Variants in PCDH10 observed in about 807,000 individuals in gnomAD.
PCDH10 encodes protocadherin 10.
Under a neutral mutation model 74.4 loss-of-function variants are expected in PCDH10, and 15 were observed. The ratio of observed to expected loss-of-function variants is 0.20; its 90% CI spans 0.13 to 0.31. The LOEUF is 0.31. Among genes scored for constraint, PCDH10 ranks in the 10% least tolerant of loss-of-function variants. PCDH10 has a pLI of 1.00. For synonymous variants in PCDH10, 619 were observed against 589.8 expected (o/e 1.05, Z -0.72); for missense variants, 1,260 against 1,390.2 (o/e 0.91, Z 1.49).
chr4:133,207,074 CT>C lies in PCDH10; in HGVS notation n.438-995del, dbSNP rs1029900779. Among the ~76,000 whole-genome samples the C allele has an allele frequency of 9.2e-5, 14 of 151,670 alleles. No individual in the cohort carries two copies. In the East Asian group the frequency reaches 2.3e-3, roughly 25 times the overall value. ...CCACTATTTTAATAACTTATTTTTA[CT>C]TTTTTTGTAATATCATTATCTTGAA... On this transcript the variant is annotated intron_variant and non_coding_transcript_variant, in intron 2 of 2. Coordinates refer to the PCDH10 transcript ENST00000511112.
In PCDH10 at chr4:133,191,704, C is replaced by G. The variant is rs745918980; in HGVS notation, c.*1544C>G. On this transcript the variant is annotated 3_prime_UTR_variant, in exon 5 of 5. Coordinates refer to ENST00000264360, the MANE Select transcript of PCDH10 (RefSeq NM_032961.3). The stretch of plus-strand genomic sequence containing the variant: ...AAAAAACAGAATTGTCACAGCTCCC[C>G]TCGCCCTCTAAACTATGATATCAAA... 6.6e-6 allele frequency: 1 copy of G among 151,584 alleles called. No individual in the cohort carries two copies. The highest frequency in any genetic ancestry group is 2.4e-5 in the African/African-American group (1 of 41,342). The allele number at this position is 151,584 out of a possible 1,614,324, so 9.4% of individuals were successfully genotyped here.
chr4:133,194,006 A>T lies in PCDH10; in HGVS notation c.*3846A>T, dbSNP rs747106142. On this transcript the variant is annotated 3_prime_UTR_variant, in exon 5 of 5. Coordinates refer to ENST00000264360, the MANE Select transcript of PCDH10 (RefSeq NM_032961.3). ...CTCTGCTAAGTCAGACAAAATCCTT[A>T]TACAGTAATTTGTGAAACTGTTCAG... is the stretch of plus-strand genomic sequence containing the variant. 1.4e-4 allele frequency: 21 copies of T among 151,786 alleles called. No homozygotes were observed. Among genetic ancestry groups the T allele is most frequent in the Non-Finnish European group, 1.2e-4 (8 of 67,754 alleles). 9.4% of individuals were successfully genotyped at this position (151,786 alleles called of 1,614,324 possible).
Position 133,152,166 on chromosome 4 carries a change from G to T in PCDH10, c.2026G>T (p.Val676Phe), listed in dbSNP as rs1353683899. The change falls in exon 1 of 5, where the codon GTT (valine) becomes TTT (phenylalanine). Residue 676 changes from valine (V) to phenylalanine (F), a missense_variant. Val to Phe is a conservative substitution (Grantham distance 50). This residue lies in a region of PCDH10 where 587 missense variants were observed against 616.9 expected (regional missense o/e 0.95). Coordinates refer to ENST00000264360, the MANE Select transcript of PCDH10 (RefSeq NM_032961.3). Reference protein sequence around the residue: ...PPLSSTATLVVQLVDGAVEPQ... With the variant: ...PPLSSTATLVFQLVDGAVEPQ... ...CCTTTCCTCCACCGCCACCCTGGTGGTTCAGCTGGTGGATGGCGCCGTGGA... is the reference window on the plus strand; with the variant it reads ...CCTTTCCTCCACCGCCACCCTGGTGTTTCAGCTGGTGGATGGCGCCGTGGA... 6.4e-7 allele frequency: 1 copy of T among 1,568,874 alleles called. No individual in the cohort carries two copies. Among genetic ancestry groups the T allele is most frequent in the Non-Finnish European group, 8.6e-7 (1 of 1,157,910 alleles).
rs754949546 is a variant in PCDH10 at position 133,150,996 on chromosome 4, G to T, written c.856G>T (p.Val286Leu). Residue 286 changes from valine to leucine, a missense_variant, in exon 1 of 5, where the codon GTG (valine) becomes TTG (leucine). Physicochemically the swap from Val to Leu is conservative, Grantham distance 32. This residue lies in a region of PCDH10 where 192 missense variants were observed against 161.2 expected (regional missense o/e 1.19). Transcript: ENST00000264360. Reference sequence around the variant, plus strand: ...GGACGAGGGCCAGAACGGTGAGGTCGTGTACTCCTTCAGCAGCCACATTTC... The same window carrying T: ...GGACGAGGGCCAGAACGGTGAGGTCTTGTACTCCTTCAGCAGCCACATTTC... ...DPDEGQNGEVVYSFSSHISPR... is the reference protein window; with the variant it reads ...DPDEGQNGEVLYSFSSHISPR... 200 of 1,613,698 alleles carry T rather than the reference G, an allele frequency of 1.2e-4. No homozygotes were observed. The highest frequency in any genetic ancestry group is 2.5e-6 in the Non-Finnish European group (3 of 1,180,032).
At position 133,150,775 on chromosome 4, in the gene PCDH10, TAGG is replaced by T. The variant is rs777271653; in HGVS notation, c.638_640del (p.Gly213del). 3 of 1,399,178 alleles carry T rather than the reference TAGG, an allele frequency of 2.1e-6. No individual in the cohort carries two copies. The highest frequency in any genetic ancestry group is 2.0e-5 in the African/African-American group (1 of 51,114). The allele number at this position is 1,399,178 out of a possible 1,614,324, so 86.7% of individuals were successfully genotyped here. On this transcript the variant is annotated inframe_deletion, in exon 1 of 5. Coordinates refer to ENST00000264360, the MANE Select transcript of PCDH10 (RefSeq NM_032961.3). ...GTGGACGGAGGAGGTGGGGGAGGAG[TAGG>T]AGAAGGAGGGGGAGGTGGCGGGGGA... is the stretch of plus-strand genomic sequence containing the variant.
intron 4 of PCDH10, among the ~76,000 whole-genome samples, chr4:133,163,503 G>C (rs1727018385): frequency 6.6e-6 from 1 of 151,990 alleles, no homozygotes; most frequent in Admixed American, 6.6e-5. Context: ...TCAAAATATA[G>C]GACTATATTC....
chr4:133,187,790 A>G (rs1459769999), intron 4 of PCDH10, among the ~76,000 whole-genome samples: 1 of 152,124 alleles, frequency 6.6e-6, no homozygotes, highest in Non-Finnish European at 1.5e-5. Context: ...ACTGTGAACC[A>G]TTTTAATAAT....
At chr4:133,155,091 G>A in intron 3 of PCDH10, 68 bp downstream of exon 3, 2 of 1,053,630 alleles carry the variant, frequency 1.9e-6, no homozygotes, top group Non-Finnish European at 3.0e-6. Context: ...ATAAACGTAG[G>A]AAGGATGATG....
At position 133,181,867 on chromosome 4, in the gene PCDH10, T is replaced by C. The variant is rs1410378865; in HGVS notation, c.3104-8274T>C. On this transcript the variant is annotated intron_variant, in intron 4 of 4. Transcript: ENST00000264360. ...TCTTGTGTCTTCTTTGAACATATGT[T>C]TGAATAGGCGTTTAGAAATATTTAC... Among the ~76,000 whole-genome samples, 3 of 152,104 alleles carry C rather than the reference T, an allele frequency of 2.0e-5. No individual in the cohort carries two copies. In the East Asian group the frequency reaches 5.8e-4, roughly 29 times the overall value.
At chr4:133,162,032 C>A (rs1038194000) in intron 3 of PCDH10, among the ~76,000 whole-genome samples, 2 of 152,088 alleles carry the variant, frequency 1.3e-5, no homozygotes, top group Non-Finnish European at 2.9e-5. Context: ...ACTGAATGAC[C>A]TTTCTTGATC....
chr4:133,181,299 T>G lies in PCDH10; in HGVS notation c.3104-8842T>G, dbSNP rs182995376. Among the ~76,000 whole-genome samples the G allele has an allele frequency of 3.5e-3, 526 of 152,204 alleles. 2 individuals are homozygous for G. The highest frequency in any genetic ancestry group is 4.6e-3 in the Non-Finnish European group (315 of 67,944). On this transcript the variant is annotated intron_variant, in intron 4 of 4. Coordinates refer to ENST00000264360, the MANE Select transcript of PCDH10 (RefSeq NM_032961.3). ...TCTAGATAACTTAGTTTTTTTTATC[T>G]TTCTGAACTCTCATGCCTTAATTTT...
At chr4:133,199,316 TAATAATAA>T (rs996771658), downstream of PCDH10, among the ~76,000 whole-genome samples, 1 of 146,678 alleles carries the variant, frequency 6.8e-6, no homozygotes, top group African/African-American at 2.5e-5. Context: ...ATAATAATAA[TAATAATAA>T]TAATTAATTA....
rs762465989 is a variant in PCDH10, at chr4:133,150,812, G to GC, written c.679dup (p.Gln227ProfsTer19). The GC allele has an allele frequency of 1.4e-5, 22 of 1,585,622 alleles. No homozygotes were observed. The highest frequency in any genetic ancestry group is 1.1e-5 in the South Asian group (1 of 86,972). ...GGGGAGGTGGCGGGGGAGCAGGCCT[G>GC]CCCCCCCAGCAGCAGCGCACCGGCA... On this transcript the variant is annotated frameshift_variant, in exon 1 of 5. Coordinates refer to ENST00000264360, the MANE Select transcript of PCDH10 (RefSeq NM_032961.3). LOFTEE classifies it high-confidence loss of function.
chr4:133,173,695 G>A (rs1344890516), intron 4 of PCDH10, among the ~76,000 whole-genome samples: 1 of 149,898 alleles, frequency 6.7e-6, no homozygotes, highest in African/African-American at 2.4e-5. Flanking sequence ...TCTTTCTTTG[G>A]AATTTTTTAG....
chr4:133,157,487 T>C (rs1374819718), intron 3 of PCDH10, among the ~76,000 whole-genome samples: 1 of 152,176 alleles, frequency 6.6e-6, no homozygotes, highest in East Asian at 1.9e-4. Flanking sequence ...TTAGGTAATA[T>C]TACTCATAGC....
intron 4 of PCDH10, among the ~76,000 whole-genome samples, chr4:133,189,926 A>C (rs571691665): frequency 8.5e-5 from 13 of 152,070 alleles, no homozygotes; most frequent in Non-Finnish European, 1.8e-4. Flanking sequence ...TTCCCATGCA[A>C]AACTAATTTA....
rs779854709 is a variant in PCDH10 at position 133,151,887 on chromosome 4, G to C, written c.1747G>C (p.Gly583Arg). 1.5e-5 allele frequency: 24 copies of C among 1,612,862 alleles called. No homozygotes were observed. The highest frequency in any genetic ancestry group is 9.9e-5 in the South Asian group (9 of 91,092). Reference protein sequence around the residue: ...AIVAPLPGRNGTPAREVLPRS... With the variant: ...AIVAPLPGRNRTPAREVLPRS... ...CGTGGCGCCTCTACCAGGGCGCAAC[G>C]GGACTCCAGCGCGTGAGGTGCTGCC... Residue 583 changes from glycine to arginine, a missense_variant, in exon 1 of 5, where the codon GGG (glycine) becomes CGG (arginine). Transcript: ENST00000264360.
Position 133,188,027 on chromosome 4 carries a change from C to G in PCDH10, c.3104-2114C>G, listed in dbSNP as rs1578576264. Among the ~76,000 whole-genome samples, 4 of 152,124 alleles carry G rather than the reference C, an allele frequency of 2.6e-5. 1 individual carries two copies. The highest frequency in any genetic ancestry group is 2.6e-4 in the Admixed American group (4 of 15,254). On this transcript the variant is annotated intron_variant, in intron 4 of 4. Coordinates refer to ENST00000264360, the MANE Select transcript of PCDH10 (RefSeq NM_032961.3). ...GTTATAGGTTGACTATAGGTCACTC[C>G]TGAGTTTCTTTTGTTCTTGAACTAA... is the stretch of plus-strand genomic sequence containing the variant.
intron 3 of PCDH10, among the ~76,000 whole-genome samples, chr4:133,158,851 A>G (rs1250420095): frequency 6.6e-6 from 1 of 152,088 alleles, no homozygotes; most frequent in Non-Finnish European, 1.5e-5. Context: ...GCAGAGATTT[A>G]TAACTGGAGG....
Sources: gnomAD v4.1 joint callset for allele counts (sites outside exome capture counted in the v4.1 genomes callset) on GRCh38, gnomAD v4.1.1 for gene constraint, gnomAD v4.1.1 regional missense constraint, MANE v1.5 for transcripts, NCBI Gene and HGNC (gene_info 2026-07-23, HGNC 2026-07-21) for gene names.